CNTNAP4: variants seen among roughly 807,000 people sequenced by gnomAD.
CNTNAP4 encodes contactin-associated protein-like 4.
A neutral mutation model predicts 148.4 loss-of-function variants in CNTNAP4; 98 were observed. The observed-to-expected ratio is 0.66, with a 90% CI of 0.56 to 0.78. The LOEUF is 0.78. Ranked by LOEUF, CNTNAP4 falls within the 30% of genes least tolerant of loss-of-function variation. CNTNAP4 has a pLI of 0.00. For missense variants in CNTNAP4, 1,935 were observed against 1,565.6 expected (o/e 1.24, Z -3.98); for synonymous variants, 730 against 565.1 (o/e 1.29, Z -4.14).
intron 10 of CNTNAP4, among the ~76,000 whole-genome samples, chr16:76,473,851 GTT>G (rs372796430): frequency 5.0e-5 from 6 of 120,456 alleles, no homozygotes; most frequent in East Asian, 2.3e-4. Context: ...TTTTTTTTTT[GTT>G]TTGTTTTGTT....
At chr16:76,442,813 G>A (rs181308886) in intron 4 of CNTNAP4, among the ~76,000 whole-genome samples, 7 of 152,120 alleles carry the variant, frequency 4.6e-5, no homozygotes, top group African/African-American at 1.7e-4. Context: ...GCCACACTGG[G>A]GAACAAATTT....
intron 3 of CNTNAP4, among the ~76,000 whole-genome samples, chr16:76,361,869 C>G (rs1272470496): frequency 1.3e-5 from 2 of 152,140 alleles, no homozygotes; most frequent in Non-Finnish European, 2.9e-5. Context: ...GATATCCTAA[C>G]AGGTGTGAGG....
chr16:76,385,386 A>G (rs547879243), intron 3 of CNTNAP4, among the ~76,000 whole-genome samples: 26 of 152,296 alleles, frequency 1.7e-4, no homozygotes, highest in African/African-American at 6.3e-4. Context: ...TTGTTTTTTT[A>G]TTTTAGCAAT....
In CNTNAP4 at chr16:76,344,019, T is replaced by A. The variant is rs143024693; in HGVS notation, c.197-11299T>A. On this transcript the variant is annotated intron_variant, in intron 2 of 23. Coordinates refer to ENST00000611870, the MANE Select transcript of CNTNAP4 (RefSeq NM_033401.5). ...CAATTCATTGTGTAGTAAAAGGGTC[T>A]GCAATTGAAAGCATTTCTAGAATTG... 4.7e-3 allele frequency among the ~76,000 whole-genome samples: 710 copies of A among 152,304 alleles called. 2 individuals carry two copies. The highest frequency in any genetic ancestry group is 0.015 in the African/African-American group (638 of 41,564).
At chr16:76,544,281 T>A (rs981984063) in intron 21 of CNTNAP4, among the ~76,000 whole-genome samples, 1 of 152,090 alleles carries the variant, frequency 6.6e-6, no homozygotes, top group African/African-American at 2.4e-5. Context: ...TGTCCCATGC[T>A]TTTTCAGGTG....
intron 17 of CNTNAP4, among the ~76,000 whole-genome samples, chr16:76,527,150 C>T (rs1195986935): frequency 6.6e-6 from 1 of 152,176 alleles, no homozygotes; most frequent in Non-Finnish European, 1.5e-5. Flanking sequence ...AATATTTAAT[C>T]TTCTTCCTCT....
chr16:76,508,953 A>G lies in CNTNAP4; in HGVS notation c.2365+10259A>G, dbSNP rs1410212934. 5.3e-5 allele frequency among the ~76,000 whole-genome samples: 5 copies of G among 94,474 alleles called. 2 individuals carry two copies. The highest frequency in any genetic ancestry group is 6.0e-5 in the Non-Finnish European group (2 of 33,454). 62.0% of individuals were successfully genotyped at this position (94,474 alleles called of 152,430 possible). ...ATTTTAGTAGAGACGTGGTTTCACC[A>G]TGTTAGCCAGGATGGTCTCGATCTC... On this transcript the variant is annotated intron_variant, in intron 15 of 23. Coordinates refer to ENST00000611870, the MANE Select transcript of CNTNAP4 (RefSeq NM_033401.5).
In CNTNAP4 at chr16:76,494,707, C is replaced by T. The variant is rs948123744; in HGVS notation, c.2081-203C>T. Among the ~76,000 whole-genome samples the T allele has an allele frequency of 3.6e-4, 54 of 152,034 alleles. 1 individual carries two copies. The highest frequency in any genetic ancestry group is 1.2e-3 in the African/African-American group (48 of 41,410). On this transcript the variant is annotated intron_variant, in intron 13 of 23. Transcript: ENST00000611870. ...AAAACAAATGTATTGGTCATTTAAG[C>T]CTAAATAATAACTTTTTTATAAAAA...
At chr16:76,300,150 A>G (rs1959800029) in intron 1 of CNTNAP4, among the ~76,000 whole-genome samples, 1 of 152,162 alleles carries the variant, frequency 6.6e-6, no homozygotes, top group Admixed American at 6.6e-5. Context: ...TATAATAATA[A>G]TAAAAAAAGA....
chr16:76,550,302 T>TA (rs1176554852), intron 21 of CNTNAP4, among the ~76,000 whole-genome samples: 1 of 152,222 alleles, frequency 6.6e-6, no homozygotes, highest in Non-Finnish European at 1.5e-5. Flanking sequence ...TGCTAACATG[T>TA]AAAATACTCA....
At chr16:76,303,211 C>T (rs1960161093) in intron 1 of CNTNAP4, among the ~76,000 whole-genome samples, 1 of 151,878 alleles carries the variant, frequency 6.6e-6, no homozygotes, top group African/African-American at 2.4e-5. Context: ...GATTTTTTTT[C>T]CCTTAGTGAG....
At chr16:76,494,353 A>G (rs1174574673) in intron 13 of CNTNAP4, among the ~76,000 whole-genome samples, 1 of 152,210 alleles carries the variant, frequency 6.6e-6, no homozygotes, top group African/African-American at 2.4e-5. Flanking sequence ...CATTAAATGG[A>G]AGATAAAATA....
intron 2 of CNTNAP4, among the ~76,000 whole-genome samples, chr16:76,317,277 C>T (rs866540975): frequency 1.2e-5 from 1 of 85,054 alleles, no homozygotes; most frequent in Non-Finnish European, 2.3e-5. Flanking sequence ...AAAAAAAAAA[C>T]CAAAAAAAAA....
chr16:76,331,472 G>C (rs1188830553), intron 2 of CNTNAP4, among the ~76,000 whole-genome samples: 1 of 150,248 alleles, frequency 6.7e-6, no homozygotes, highest in Non-Finnish European at 1.5e-5. Context: ...ACAGGCGTGA[G>C]CTACCACGGC....
intron 2 of CNTNAP4, among the ~76,000 whole-genome samples, chr16:76,320,537 A>G (rs553087176): frequency 7.9e-5 from 12 of 152,318 alleles, no homozygotes; most frequent in African/African-American, 2.6e-4. Context: ...CAACCATCCA[A>G]CAGGAATCCA....
chr16:76,406,347 G>A (rs533291017), intron 3 of CNTNAP4, among the ~76,000 whole-genome samples: 105 of 151,982 alleles, frequency 6.9e-4, no homozygotes, highest in African/African-American at 2.4e-3. Context: ...GGCTGTTCCC[G>A]CATCTCTCTC....
chr16:76,286,917 G>A (rs909132589), intron 1 of CNTNAP4, among the ~76,000 whole-genome samples: 6 of 152,130 alleles, frequency 3.9e-5, no homozygotes, highest in African/African-American at 1.4e-4. Flanking sequence ...ATCTAAATTG[G>A]TGATGAGGGA....
At chr16:76,449,534 A>T (rs1320195951) in intron 6 of CNTNAP4, among the ~76,000 whole-genome samples, 181 bp from the exon 7 acceptor site, 1 of 152,192 alleles carries the variant, frequency 6.6e-6, no homozygotes, top group Non-Finnish European at 1.5e-5. Flanking sequence ...ATAAAGTTCT[A>T]GTGTAAATAA....
At chr16:76,378,941 A>C (rs1033282246) in intron 3 of CNTNAP4, among the ~76,000 whole-genome samples, 2 of 152,174 alleles carry the variant, frequency 1.3e-5, no homozygotes, top group Non-Finnish European at 2.9e-5. Flanking sequence ...CTTCAGTTCT[A>C]TGGCCACTTC....
Sources: allele counts gnomAD v4.1 joint callset (sites outside exome capture counted in the v4.1 genomes callset), GRCh38; gene constraint gnomAD v4.1.1; transcripts MANE v1.5; gene names NCBI Gene and HGNC (gene_info 2026-07-23, HGNC 2026-07-21).